Variants in MAP4K3 observed in about 807,000 individuals in gnomAD.
MAP4K3 encodes the protein mitogen-activated protein kinase kinase kinase kinase 3, also known as MAPK/ERK kinase kinase kinase 3.
Under a neutral mutation model 143.5 loss-of-function variants are expected in MAP4K3, and 94 were observed. The observed-to-expected ratio is 0.65, with a 90% CI of 0.55 to 0.78. The LOEUF (loss-of-function observed/expected upper bound fraction) is 0.78, where lower values mean the gene tolerates loss of function less well. Among genes scored for constraint, MAP4K3 ranks in the 30% least tolerant of loss-of-function variants. The pLI is 0.00. For synonymous variants in MAP4K3, 416 were observed against 347.2 expected (o/e 1.20, Z -2.20); for missense variants, 1,077 against 1,068.1 (o/e 1.01, Z -0.12).
chr2:39,390,729 A>G (rs750881651), intron 1 of MAP4K3, among the ~76,000 whole-genome samples: 1 of 151,804 alleles, frequency 6.6e-6, no homozygotes, highest in African/African-American at 2.4e-5. Flanking sequence ...GCACTTTTCT[A>G]AGATTAACAA....
intron 1 of MAP4K3, among the ~76,000 whole-genome samples, chr2:39,411,384 C>T (rs370496592): frequency 6.6e-6 from 1 of 152,128 alleles, no homozygotes. Context: ...CCTCTCTAAA[C>T]AGTGACTCCA....
At chr2:39,267,299 T>C (rs1680804988) in intron 26 of MAP4K3, 52 bp from the exon 27 acceptor site, 2 of 1,370,576 alleles carry the variant, frequency 1.5e-6, no homozygotes, top group East Asian at 2.3e-5. Flanking sequence ...ACTTAGTATA[T>C]GAAAAAGCTA....
intron 1 of MAP4K3, among the ~76,000 whole-genome samples, chr2:39,429,966 T>C (rs760376703): frequency 1.3e-5 from 2 of 152,246 alleles, no homozygotes; most frequent in Admixed American, 1.3e-4. Context: ...GATTCATTTA[T>C]ACAAAGTTCT....
In MAP4K3 at chr2:39,250,302, T is replaced by A; in HGVS notation, c.*316A>T. ...ACATCTGTACAGATAAGACACTTAC[T>A]TGTACATCTCATAAAAGTACATTAT... On this transcript the variant is annotated 3_prime_UTR_variant, in exon 34 of 34. Coordinates refer to ENST00000263881, the MANE Select transcript of MAP4K3 (RefSeq NM_003618.4). 8.4e-6 allele frequency: 2 copies of A among 238,224 alleles called. No homozygotes were observed. 14.8% of individuals were successfully genotyped at this position (238,224 alleles called of 1,614,324 possible).
Position 39,437,214 on chromosome 2 carries a change from C to A in MAP4K3, c.-227G>T. 3.1e-6 allele frequency: 1 copy of A among 323,160 alleles called. No homozygotes were observed. 20.0% of individuals were successfully genotyped at this position (323,160 alleles called of 1,614,324 possible). A position where few individuals can be genotyped will look rare whatever the true frequency, so the allele number is the denominator to read the frequency against. Reference sequence around the variant, plus strand: ...CCCCGCGGCCCGCCGCCGCGCCGAACCTGGTCACACCCACAAGGAGAGGAG... The same window carrying A: ...CCCCGCGGCCCGCCGCCGCGCCGAAACTGGTCACACCCACAAGGAGAGGAG... On this transcript the variant is annotated 5_prime_UTR_variant, in exon 1 of 34. Transcript: ENST00000263881.
At chr2:39,291,781 G>A (rs1040388661) in intron 18 of MAP4K3, among the ~76,000 whole-genome samples, 2 of 152,134 alleles carry the variant, frequency 1.3e-5, no homozygotes, top group African/African-American at 4.8e-5. Context: ...GGAGGCTGAG[G>A]TGGGAGGACT....
intron 24 of MAP4K3, among the ~76,000 whole-genome samples, chr2:39,274,674 C>T (rs1681173934): frequency 6.6e-6 from 1 of 152,124 alleles, no homozygotes; most frequent in African/African-American, 2.4e-5. Context: ...TCTGCCTAGA[C>T]TCATATATCT....
intron 21 of MAP4K3, among the ~76,000 whole-genome samples, chr2:39,284,456 CG>C (rs1338429686): frequency 6.6e-6 from 1 of 152,034 alleles, no homozygotes; most frequent in African/African-American, 2.4e-5. Context: ...CCACTGTGCC[CG>C]GCCTAGCAAA....
rs543226268 is a variant in MAP4K3 at position 39,424,065 on chromosome 2, T to A, written c.96+12827A>T. 1.6e-4 allele frequency among the ~76,000 whole-genome samples: 24 copies of A among 152,216 alleles called. No individual in the cohort carries two copies. The East Asian group carries it at 4.4e-3, about 28-fold the overall frequency. On this transcript the variant is annotated intron_variant, in intron 1 of 33. Coordinates refer to ENST00000263881, the MANE Select transcript of MAP4K3 (RefSeq NM_003618.4). Reference sequence around the variant, plus strand: ...TTCAAGCGATTCTCCTGCCTCAGCCTCCTGAGTAGCTGGGATTACAGATGT... The same window carrying A: ...TTCAAGCGATTCTCCTGCCTCAGCCACCTGAGTAGCTGGGATTACAGATGT...
intron 15 of MAP4K3, among the ~76,000 whole-genome samples, chr2:39,301,282 G>A (rs1040222592): frequency 1.3e-5 from 2 of 152,170 alleles, no homozygotes; most frequent in African/African-American, 4.8e-5. Flanking sequence ...CTAGTTGACT[G>A]TCACACTGGT....
chr2:39,420,406 C>T (rs1333275883), intron 1 of MAP4K3, among the ~76,000 whole-genome samples: 2 of 151,902 alleles, frequency 1.3e-5, no homozygotes, highest in African/African-American at 4.8e-5. Flanking sequence ...ATCATGAATT[C>T]CATATTTTTT....
chr2:39,318,370 A>G (rs1439198095), intron 12 of MAP4K3, among the ~76,000 whole-genome samples: 1 of 152,160 alleles, frequency 6.6e-6, no homozygotes, highest in Non-Finnish European at 1.5e-5. Context: ...CAACCTGCAC[A>G]TGTACCCTGA....
In MAP4K3 at chr2:39,386,098, T is replaced by A. The variant is rs112437711; in HGVS notation, c.97-7975A>T. Among the ~76,000 whole-genome samples the A allele has an allele frequency of 1.3e-3, 200 of 152,330 alleles. 3 individuals carry two copies. The highest frequency in any genetic ancestry group is 4.7e-3 in the African/African-American group (194 of 41,562). On this transcript the variant is annotated intron_variant, in intron 1 of 33. Coordinates refer to ENST00000263881, the MANE Select transcript of MAP4K3 (RefSeq NM_003618.4). ...AGAGGAAGGGCATTTGAAGAGGTAA[T>A]TAAGGTTAAATAAGTTATATGGGTT...
Sources: allele counts gnomAD v4.1 joint callset (sites outside exome capture counted in the v4.1 genomes callset), GRCh38; gene constraint gnomAD v4.1.1; transcripts MANE v1.5; gene names NCBI Gene and HGNC (gene_info 2026-07-23, HGNC 2026-07-21).